NAA20: variants seen among roughly 807,000 people sequenced by gnomAD.
The protein encoded by NAA20 is N-alpha-acetyltransferase 20.
NAA20 carries 24 observed loss-of-function variants against 23.8 expected under a neutral mutation model. The ratio of observed to expected loss-of-function variants is 1.01; its 90% CI spans 0.73 to 1.42. The LOEUF (loss-of-function observed/expected upper bound fraction) is 1.42, where lower values mean the gene tolerates loss of function less well. Among genes scored for constraint, NAA20 ranks in the 40% most tolerant of loss-of-function variants. The probability of loss-of-function intolerance (pLI) is 0.00; values close to 1 mark genes in which losing one functional copy is unlikely to be tolerated. For missense variants in NAA20, 166 were observed against 223.1 expected, an observed-to-expected ratio of 0.74 and a Z score of 1.63; for synonymous variants, 83 against 77.7, an observed-to-expected ratio of 1.07 and a Z score of -0.36.
At chr20:20,028,382 A>G (rs1472919546) in intron 4 of NAA20, among the ~76,000 whole-genome samples, 3 of 152,102 alleles carry the variant, frequency 2.0e-5, no homozygotes, top group Admixed American at 6.6e-5. Context: ...TAAATACCTA[A>G]TGTAGATGAC....
chr20:20,026,255 A>C (rs953560771), intron 3 of NAA20, among the ~76,000 whole-genome samples: 9 of 151,892 alleles, frequency 5.9e-5, no homozygotes, highest in African/African-American at 1.7e-4. Flanking sequence ...CAGTGGGCTG[A>C]GATCATGCCA....
chr20:20,023,068 G>A lies in NAA20; in HGVS notation c.78+588G>A, dbSNP rs573710449. Among the ~76,000 whole-genome samples the A allele has an allele frequency of 5.7e-4, 87 of 152,166 alleles. 2 individuals are homozygous for A. In the South Asian group the frequency reaches 9.5e-3, roughly 17 times the overall value. On this transcript the variant is annotated intron_variant, in intron 2 of 5. Coordinates refer to ENST00000334982, the MANE Select transcript of NAA20 (RefSeq NM_016100.5). Reference sequence around the variant, plus strand: ...TGGGGGGCCAAGGCAGGCAGATCACGAGGTCAGGCGTTCAAGACCAGCCTG... The same window carrying A: ...TGGGGGGCCAAGGCAGGCAGATCACAAGGTCAGGCGTTCAAGACCAGCCTG...
At position 20,033,280 on chromosome 20, in the gene NAA20, T is replaced by G; in HGVS notation, c.*93T>G. 3 of 1,032,506 alleles carry G rather than the reference T, an allele frequency of 2.9e-6. No homozygotes were observed. Among genetic ancestry groups the G allele is most frequent in the Non-Finnish European group, 4.3e-6 (3 of 691,870 alleles). The allele number at this position is 1,032,506 out of a possible 1,614,324, so 64.0% of individuals were successfully genotyped here. On this transcript the variant is annotated 3_prime_UTR_variant, in exon 6 of 6. Coordinates refer to ENST00000334982, the MANE Select transcript of NAA20 (RefSeq NM_016100.5). ...TTCTGGAGCTCTATTAGGAGAAAAG[T>G]AATCATTTTAGGTCTTAAAGACTTC...
chr20:20,026,986 G>T, intron 4 of NAA20, 67 bp downstream of exon 4: 1 of 1,592,680 alleles, frequency 6.3e-7, no homozygotes. Flanking sequence ...TCCCCTTCAG[G>T]CTGAATAACT....
chr20:20,021,441 G>T (rs1601124367), intron 1 of NAA20, among the ~76,000 whole-genome samples: 1 of 152,310 alleles, frequency 6.6e-6, no homozygotes, highest in South Asian at 2.1e-4. Flanking sequence ...TTGCAGAATT[G>T]TTAAAACAAT....
At chr20:20,026,395 T>C (rs780110820) in intron 3 of NAA20, among the ~76,000 whole-genome samples, 1 of 152,158 alleles carries the variant, frequency 6.6e-6, no homozygotes, top group African/African-American at 2.4e-5. Flanking sequence ...AGCATCCTCA[T>C]TGAATTAGCA....
rs1224502904 is a variant in NAA20 at position 20,032,619 on chromosome 20, G to A, written c.417G>A (p.Ser139=). 10 of 1,605,164 alleles carry A rather than the reference G, an allele frequency of 6.2e-6. No homozygotes were observed. Among genetic ancestry groups the A allele is most frequent in the South Asian group, 3.4e-5 (3 of 88,764 alleles). Reference sequence around the variant, plus strand: ...ATAGGACGGTCATAGAGTACTATTCGGCCAGCAACGGGGAGCCTGATGAGG... The same window carrying A: ...ATAGGACGGTCATAGAGTACTATTCAGCCAGCAACGGGGAGCCTGATGAGG... ...SVYRTVIEYY[S]ASNGEPDEDA... is the part of the protein sequence containing the mutation. Residue 139 remains serine (S), a synonymous_variant, in exon 5 of 6, where the codon TCG becomes TCA. Coordinates refer to ENST00000334982, the MANE Select transcript of NAA20 (RefSeq NM_016100.5).
At chr20:20,024,232 A>G (rs1202268545) in intron 2 of NAA20, among the ~76,000 whole-genome samples, 1 of 152,234 alleles carries the variant, frequency 6.6e-6, no homozygotes, top group Non-Finnish European at 1.5e-5. Flanking sequence ...ACACACAACA[A>G]TCAGGAGATG....
At position 20,022,479 on chromosome 20, in the gene NAA20, C is replaced by T; in HGVS notation, c.77C>T (p.Thr26Ile). 1 of 1,569,134 alleles carries T rather than the reference C, an allele frequency of 6.4e-7. No homozygotes were observed. Among genetic ancestry groups the T allele is most frequent in the Non-Finnish European group, 8.6e-7 (1 of 1,162,848 alleles). Reference sequence around the variant, plus strand: ...AGTAACTTGGATCCACTTACAGAAACTGTATCCTTTTTTACAAAAAAAAAA... The same window carrying T: ...AGTAACTTGGATCCACTTACAGAAATTGTATCCTTTTTTACAAAAAAAAAA... ...NNINLDPLTE[T>I]YGIPFYLQYL... The change falls in exon 2 of 6, where the codon ACT becomes ATT. Residue 26 changes from threonine (T) to isoleucine (I), a missense_variant and splice_region_variant. By Grantham distance (89) the Thr-to-Ile change is moderately conservative. Coordinates refer to ENST00000334982, the MANE Select transcript of NAA20 (RefSeq NM_016100.5).
In NAA20 at chr20:20,026,900, C is replaced by G; in HGVS notation, c.286C>G (p.Leu96Val). ...LGLAAKLMEL[L>V]EEISERKGGF... ...TTTGGCTGCTAAACTTATGGAGTTA[C>G]TAGAGGAGATTTCAGAAAGGTGAGA... The change falls in exon 4 of 6, where the codon CTA (leucine) becomes GTA (valine). Residue 96 changes from leucine to valine, a missense_variant. Coordinates refer to ENST00000334982, the MANE Select transcript of NAA20 (RefSeq NM_016100.5). 2 of 1,614,142 alleles carry G rather than the reference C, an allele frequency of 1.2e-6. No individual in the cohort carries two copies. Among genetic ancestry groups the G allele is most frequent in the Non-Finnish European group, 1.7e-6 (2 of 1,180,016 alleles).
At chr20:20,023,571 ATAACCCCACATCTCTAGTGGCT>A (rs1440179202) in intron 2 of NAA20, among the ~76,000 whole-genome samples, 6 of 152,236 alleles carry the variant, frequency 3.9e-5, no homozygotes, top group African/African-American at 1.4e-4. Context: ...GCTGTAACAG[ATAACCCCACATCTCTAGTGGCT>A]TACAACACAA....
chr20:20,017,863 TG>T, intron 1 of NAA20: 1 of 1,566,028 alleles, frequency 6.4e-7, no homozygotes, highest in Non-Finnish European at 8.6e-7. Flanking sequence ...GCGCCTCTTC[TG>T]GGCAGAGGGC....
At chr20:20,026,998 T>C in intron 4 of NAA20, 79 bp downstream of exon 4, 4 of 1,568,150 alleles carry the variant, frequency 2.6e-6, no homozygotes, top group Non-Finnish European at 3.5e-6. Flanking sequence ...TGAATAACTG[T>C]CATGCTTTAC....
Position 20,029,083 on chromosome 20 carries a change from C to G in NAA20, c.305+2164C>G, listed in dbSNP as rs1052453644. The stretch of plus-strand genomic sequence containing the variant: ...AGCTGGGATTACAGGCGCCCACCAC[C>G]ATGCACGGCCAGCTATGATGACTCT... On this transcript the variant is annotated intron_variant, in intron 4 of 5. Transcript: ENST00000334982. Among the ~76,000 whole-genome samples, 8 of 152,094 alleles carry G rather than the reference C, an allele frequency of 5.3e-5. No homozygotes were observed. The South Asian group carries it at 8.3e-4, about 16-fold the overall frequency.
intron 2 of NAA20, 99 bp from the exon 3 acceptor site, chr20:20,025,578 G>T (rs925446343): frequency 1.2e-6 from 1 of 812,124 alleles, no homozygotes; most frequent in East Asian, 2.4e-5. Flanking sequence ...TGGGGATAAA[G>T]TAACAGTATA....
intron 2 of NAA20, among the ~76,000 whole-genome samples, chr20:20,025,445 T>A (rs1248526063): frequency 6.6e-6 from 1 of 152,226 alleles, no homozygotes; most frequent in African/African-American, 2.4e-5. Flanking sequence ...CTCTGCTTTC[T>A]ATTAGACAGT....
chr20:20,018,177 T>A, intron 1 of NAA20: 1 of 1,306,050 alleles, frequency 7.7e-7, no homozygotes, highest in Non-Finnish European at 1.1e-6. Context: ...GGATTCGAGT[T>A]AAGGCCAGAC....
chr20:20,017,361 T>C (rs775925402), upstream of NAA20: 3 of 1,608,778 alleles, frequency 1.9e-6, no homozygotes, highest in Non-Finnish European at 2.5e-6. Flanking sequence ...GGGCGCGGGG[T>C]CTTGGCGAAC....
chr20:20,018,945 G>C, intron 1 of NAA20: 1 of 985,250 alleles, frequency 1.0e-6, no homozygotes, highest in Non-Finnish European at 1.2e-6. Context: ...CTTGGTGCCT[G>C]TGGTCAGGGG....
Sources: allele counts gnomAD v4.1 joint callset (sites outside exome capture counted in the v4.1 genomes callset), GRCh38; gene constraint gnomAD v4.1.1; transcripts MANE v1.5; gene names NCBI Gene and HGNC (gene_info 2026-07-23, HGNC 2026-07-21).